The following GDF1 variants were observed in gnomAD, a reference collection of about 807,000 sequenced individuals.
GDF1 encodes the protein embryonic growth/differentiation factor 1.
In GDF1, 8 loss-of-function variants were observed where a neutral mutation model predicts 7.4. The ratio of observed to expected loss-of-function variants is 1.09; its 90% CI spans 0.64 to 1.96. The LOEUF is 1.96. GDF1 is among the 30% of genes most tolerant of loss of function. The pLI is 0.00. For missense variants in GDF1, 574 were observed against 551.5 expected (o/e 1.04, Z -0.41); for synonymous variants, 311 against 276.7 (o/e 1.12, Z -1.23).
In GDF1 at chr19:18,885,521, T is replaced by TG. The variant is rs1390296930; in HGVS notation, c.-913-1255_-913-1254insC. On this transcript the variant is annotated intron_variant, in intron 2 of 7. Transcript: ENST00000247005. ...CCAGCGCCCCTTCTCGTTTTTTTTT[T>TG]TTTTTTTTTTTTTTTTGAGATGGAG... 4.9e-3 allele frequency among the ~76,000 whole-genome samples: 654 copies of TG among 134,766 alleles called. 20 individuals are homozygous for TG. The highest frequency in any genetic ancestry group is 0.012 in the African/African-American group (424 of 36,188). 88.4% of individuals were successfully genotyped at this position (134,766 alleles called of 152,430 possible). A position where few individuals can be genotyped will look rare whatever the true frequency, so the allele number is the denominator to read the frequency against.
Position 18,879,384 on chromosome 19 carries a change from A to G in GDF1, c.-566T>C. On this transcript the variant is annotated 5_prime_UTR_variant, in exon 5 of 8. Coordinates refer to ENST00000247005, the MANE Select transcript of GDF1 (RefSeq NM_001492.6). Reference sequence around the variant, plus strand: ...AGCGGGAACCAGTAGAGGCGGAACCAGAACCTGCGGTGGGAGGAGTCAGGA... The same window carrying G: ...AGCGGGAACCAGTAGAGGCGGAACCGGAACCTGCGGTGGGAGGAGTCAGGA... The G allele has an allele frequency of 6.4e-7, 1 of 1,562,780 alleles. No homozygotes were observed. The highest frequency in any genetic ancestry group is 8.7e-7 in the Non-Finnish European group (1 of 1,153,830).
rs1037615854 is a variant in GDF1 at position 18,895,285 on chromosome 19, A to T, written c.-1074+539T>A. 1.8e-4 allele frequency among the ~76,000 whole-genome samples: 28 copies of T among 152,080 alleles called. No individual in the cohort carries two copies. Among genetic ancestry groups the T allele is most frequent in the African/African-American group, 4.8e-4 (20 of 41,398 alleles). On this transcript the variant is annotated intron_variant, in intron 1 of 7. Coordinates refer to ENST00000247005, the MANE Select transcript of GDF1 (RefSeq NM_001492.6). This position sits in a 1 kb window ranked among gnomAD's most constrained non-coding sequence, Gnocchi z 6.4. ...GCAAGCCGGCCCCGCCGCCGCACGG[A>T]CCCAGCAGAAAACGGGCAGCGGACC... is the stretch of plus-strand genomic sequence containing the variant.
In GDF1 at chr19:18,878,929, C is replaced by T. The variant is rs2056119729; in HGVS notation, c.-313+1G>A. 2 of 1,613,602 alleles carry T rather than the reference C, an allele frequency of 1.2e-6. No homozygotes were observed. The highest frequency in any genetic ancestry group is 1.7e-5 in the Admixed American group (1 of 59,996). On this transcript the variant is annotated splice_donor_variant, in intron 6 of 7. Transcript: ENST00000247005. LOFTEE classifies it low-confidence loss of function (5UTR_SPLICE). This position sits in a 1 kb window ranked among gnomAD's most constrained non-coding sequence, Gnocchi z 4.6. The stretch of plus-strand genomic sequence containing the variant: ...CGGGGTGCGGGCCCCTCCACACTCA[C>T]TCGGCTTTGCTGGGCTTCAGGCTCT...
chr19:18,890,395 G>A (rs781707307), intron 2 of GDF1, among the ~76,000 whole-genome samples: 1 of 152,208 alleles, frequency 6.6e-6, no homozygotes, highest in Non-Finnish European at 1.5e-5. Context: ...TCTCTGACCC[G>A]TTACTAGCTG....
rs181632021 is a variant in GDF1, at chr19:18,879,497, C to T, written c.-570-109G>A. 4 of 1,255,202 alleles carry T rather than the reference C, an allele frequency of 3.2e-6. No individual in the cohort carries two copies. In the African/African-American group the frequency reaches 4.5e-5, roughly 14 times the overall value. The allele number at this position is 1,255,202 out of a possible 1,614,324, so 77.8% of individuals were successfully genotyped here. The stretch of plus-strand genomic sequence containing the variant: ...CCTTGCCCCCTTATCCCATCCTTGC[C>T]CACCTCTGCCCACCTGTTTCTACTA... On this transcript the variant is annotated intron_variant, in intron 4 of 7. Coordinates refer to ENST00000247005, the MANE Select transcript of GDF1 (RefSeq NM_001492.6).
At chr19:18,890,773 C>T (rs1332986173) in intron 2 of GDF1, among the ~76,000 whole-genome samples, 4 of 134,564 alleles carry the variant, frequency 3.0e-5, no homozygotes, top group African/African-American at 5.4e-5. Context: ...AGAGTAAGAC[C>T]GCGTCTGGGG....
At chr19:18,880,503 C>A in intron 3 of GDF1, 68 bp from the exon 4 acceptor site, 1 of 1,447,288 alleles carries the variant, frequency 6.9e-7, no homozygotes, top group Admixed American at 2.2e-5. Flanking sequence ...GCACTAAGGC[C>A]CCCAGCAGAG....
chr19:18,889,894 G>A (rs533583970), intron 2 of GDF1, among the ~76,000 whole-genome samples: 1 of 152,272 alleles, frequency 6.6e-6, no homozygotes, highest in African/African-American at 2.4e-5. Context: ...CACCTCTAGG[G>A]TGGCAGCAAA....
At chr19:18,879,948 G>A (rs2056161171) in intron 4 of GDF1, among the ~76,000 whole-genome samples, 2 of 149,894 alleles carry the variant, frequency 1.3e-5, no homozygotes, top group Non-Finnish European at 3.0e-5. Context: ...GGCTTGCTCT[G>A]TATTAGTCTA....
intron 2 of GDF1, among the ~76,000 whole-genome samples, chr19:18,892,832 G>T (rs1045903889): frequency 6.6e-6 from 1 of 152,134 alleles, no homozygotes; most frequent in Non-Finnish European, 1.5e-5. Flanking sequence ...CTGTCCCCAG[G>T]GATCACCTTT....
rs984979614 is a variant in GDF1 at position 18,892,341 on chromosome 19, G to A, written c.-914+1075C>T. 2.6e-5 allele frequency among the ~76,000 whole-genome samples: 4 copies of A among 152,080 alleles called. No individual in the cohort carries two copies. The South Asian group carries it at 6.2e-4, about 24-fold the overall frequency. On this transcript the variant is annotated intron_variant, in intron 2 of 7. Coordinates refer to ENST00000247005, the MANE Select transcript of GDF1 (RefSeq NM_001492.6). Reference sequence around the variant, plus strand: ...TAAAAACATCACATTCAGGCTAGGTGCAGTGGCTCACACCTGTAATCCCAG... The same window carrying A: ...TAAAAACATCACATTCAGGCTAGGTACAGTGGCTCACACCTGTAATCCCAG...
intron 2 of GDF1, among the ~76,000 whole-genome samples, chr19:18,884,709 CTTTT>C (rs36074874): frequency 2.9e-5 from 2 of 69,128 alleles, no homozygotes; most frequent in South Asian, 1.3e-3. Flanking sequence ...GCCCAGCCGT[CTTTT>C]TTTTTTTTTT....
rs773594278 is a variant in GDF1 at position 18,884,234 on chromosome 19, A to G, written c.-880T>C. 86 of 1,613,132 alleles carry G rather than the reference A, an allele frequency of 5.3e-5. No individual in the cohort carries two copies. Among genetic ancestry groups the G allele is most frequent in the Admixed American group, 1.0e-4 (6 of 59,918 alleles). ...TCCCTGGAGCAGGTAGGCGGCTGCAATGTCCCGTGGCACTGCCATGCCCGG... is the reference window on the plus strand; with the variant it reads ...TCCCTGGAGCAGGTAGGCGGCTGCAGTGTCCCGTGGCACTGCCATGCCCGG... On this transcript the variant is annotated 5_prime_UTR_variant, in exon 3 of 8. Coordinates refer to ENST00000247005, the MANE Select transcript of GDF1 (RefSeq NM_001492.6).
chr19:18,877,848 C>T, intron 6 of GDF1: 1 of 435,930 alleles, frequency 2.3e-6, no homozygotes, highest in Non-Finnish European at 3.1e-6. Context: ...CCGCATCTGC[C>T]AGAACCCATG....
chr19:18,886,235 G>GTC (rs1289063695), intron 2 of GDF1, among the ~76,000 whole-genome samples: 1 of 150,446 alleles, frequency 6.6e-6, no homozygotes, highest in Non-Finnish European at 1.5e-5. Context: ...GTGAGACGCT[G>GTC]TCTCTGCAAA....
chr19:18,868,720 G>T lies in GDF1; in HGVS notation c.996C>A (p.Ala332=). Residue 332 remains alanine (A), a synonymous_variant, in exon 8 of 8, where the codon GCC becomes GCA. Coordinates refer to ENST00000247005, the MANE Select transcript of GDF1 (RefSeq NM_001492.6). ...ALMHAAAPGA[A]DLPCCVPARL... ...GCGCGGGCACGCAGCAGGGCAGGTCGGCGGCTCCCGGGGCGGCCGCGTGCA... is the reference window on the plus strand; with the variant it reads ...GCGCGGGCACGCAGCAGGGCAGGTCTGCGGCTCCCGGGGCGGCCGCGTGCA... 1 of 1,542,010 alleles carries T rather than the reference G, an allele frequency of 6.5e-7. No homozygotes were observed. The highest frequency in any genetic ancestry group is 8.8e-7 in the Non-Finnish European group (1 of 1,141,572).
At chr19:18,885,511 G>GTTTTTT (rs59793456) in intron 2 of GDF1, among the ~76,000 whole-genome samples, 268 of 22,094 alleles carry the variant, frequency 0.012, 8 homozygotes, top group African/African-American at 0.029. Flanking sequence ...GCCCCTTCTC[G>GTTTTTT]TTTTTTTTTT....
intron 2 of GDF1, among the ~76,000 whole-genome samples, chr19:18,887,609 G>GT (rs760119005): frequency 6.6e-6 from 1 of 151,992 alleles, no homozygotes; most frequent in Non-Finnish European, 1.5e-5. Context: ...GCTGGGCATG[G>GT]TGGCGCATGC....
At chr19:18,893,292 T>G (rs534679654) in intron 2 of GDF1, 124 bp downstream of exon 2, 2 of 1,087,456 alleles carry the variant, frequency 1.8e-6, no homozygotes, top group African/African-American at 3.2e-5. Context: ...ATAGCTCCCC[T>G]TGGCCTCCAA....
Sources: allele counts gnomAD v4.1 joint callset (sites outside exome capture counted in the v4.1 genomes callset), GRCh38; gene constraint gnomAD v4.1.1; non-coding constraint Gnocchi (gnomAD v3.1); transcripts MANE v1.5; gene names NCBI Gene and HGNC (gene_info 2026-07-23, HGNC 2026-07-21).